SPAG16: variants seen among roughly 807,000 people sequenced by gnomAD.
The protein encoded by SPAG16 is sperm associated antigen 16, also known as sperm-associated antigen 16 protein.
A neutral mutation model predicts 80.4 loss-of-function variants in SPAG16; 86 were observed. The ratio of observed to expected loss-of-function variants is 1.07; its 90% CI spans 0.90 to 1.28. The LOEUF is 1.28. SPAG16 is among the 50% of genes most tolerant of loss of function. The probability of loss-of-function intolerance (pLI) is 0.00; values close to 1 mark genes in which losing one functional copy is unlikely to be tolerated. For missense variants in SPAG16, 870 were observed against 765.3 expected, an observed-to-expected ratio of 1.14 and a Z score of -1.61; for synonymous variants, 294 against 265.9, an observed-to-expected ratio of 1.11 and a Z score of -1.03.
At chr2:214,246,991 T>C (rs958348330) in intron 15 of SPAG16, among the ~76,000 whole-genome samples, 1 of 152,196 alleles carries the variant, frequency 6.6e-6, no homozygotes, top group Non-Finnish European at 1.5e-5. Context: ...TATCATATCA[T>C]GAACTCATTA....
chr2:213,708,761 G>A (rs946170152), intron 10 of SPAG16, among the ~76,000 whole-genome samples: 9 of 152,144 alleles, frequency 5.9e-5, no homozygotes, highest in African/African-American at 1.9e-4. Context: ...ACTCCAGTCT[G>A]GGTGACAAAG....
intron 15 of SPAG16, among the ~76,000 whole-genome samples, chr2:214,209,823 G>C (rs904157170): frequency 2.0e-5 from 3 of 152,028 alleles, no homozygotes; most frequent in African/African-American, 7.2e-5. Flanking sequence ...TTACATAATT[G>C]ATTAATTTGT....
At chr2:214,253,486 T>C (rs1335558181) in intron 15 of SPAG16, among the ~76,000 whole-genome samples, 3 of 152,182 alleles carry the variant, frequency 2.0e-5, no homozygotes, top group African/African-American at 7.2e-5. Flanking sequence ...TTGTATAAGG[T>C]GTAAGAAACG....
intron 9 of SPAG16, among the ~76,000 whole-genome samples, chr2:213,451,164 A>T (rs562035457): frequency 6.6e-6 from 1 of 152,316 alleles, no homozygotes; most frequent in East Asian, 1.9e-4. Flanking sequence ...TTATCTCATT[A>T]TGTATATAAA....
Position 213,843,748 on chromosome 2 carries a change from G to A in SPAG16, c.1071-18737G>A, listed in dbSNP as rs369898199. Among the ~76,000 whole-genome samples the A allele has an allele frequency of 1.6e-4, 24 of 152,234 alleles. No homozygotes were observed. In the East Asian group the frequency reaches 4.6e-3, roughly 29 times the overall value. ...TGTCTGTAGTTCCAGCTACTTGGGA[G>A]GCTGAGGCAGGAGAATCTCTAGAAC... On this transcript the variant is annotated intron_variant, in intron 10 of 15. Coordinates refer to ENST00000331683, the MANE Select transcript of SPAG16 (RefSeq NM_024532.5).
intron 12 of SPAG16, among the ~76,000 whole-genome samples, chr2:214,005,116 C>T (rs553844067): frequency 6.6e-6 from 1 of 152,176 alleles, no homozygotes; most frequent in South Asian, 2.1e-4. Flanking sequence ...AATATTTGGT[C>T]TTCTTTTTGT....
chr2:213,338,430 A>G (rs1481085143), intron 5 of SPAG16, among the ~76,000 whole-genome samples: 1 of 152,240 alleles, frequency 6.6e-6, no homozygotes, highest in African/African-American at 2.4e-5. Flanking sequence ...CAAGCTGGAT[A>G]GAGGCAAGAT....
intron 15 of SPAG16, among the ~76,000 whole-genome samples, chr2:214,222,596 A>T (rs1041817066): frequency 6.6e-6 from 1 of 151,994 alleles, no homozygotes; most frequent in African/African-American, 2.4e-5. Flanking sequence ...TTTTGCTTTA[A>T]TTTTTTTTAC....
chr2:214,378,489 T>C (rs1183077209), intron 15 of SPAG16, among the ~76,000 whole-genome samples: 20 of 152,184 alleles, frequency 1.3e-4, no homozygotes, highest in Non-Finnish European at 2.9e-4. Flanking sequence ...CTGAAACTGG[T>C]TCCCTTATAA....
Position 213,793,181 on chromosome 2 carries a change from G to A in SPAG16, c.1071-69304G>A, listed in dbSNP as rs2070812742. Reference sequence around the variant, plus strand: ...GACCTCAGGTGATCCACCCGCCTCGGCCTCTCAAAGTGCTGGGATTACAGA... The same window carrying A: ...GACCTCAGGTGATCCACCCGCCTCGACCTCTCAAAGTGCTGGGATTACAGA... On this transcript the variant is annotated intron_variant, in intron 10 of 15. Coordinates refer to ENST00000331683, the MANE Select transcript of SPAG16 (RefSeq NM_024532.5). 2.6e-5 allele frequency among the ~76,000 whole-genome samples: 4 copies of A among 151,758 alleles called. No individual in the cohort carries two copies. The South Asian group carries it at 8.3e-4, about 32-fold the overall frequency.
At chr2:214,042,007 T>TATATATATATATATATAC (rs1371293247) in intron 13 of SPAG16, among the ~76,000 whole-genome samples, 2 of 101,224 alleles carry the variant, frequency 2.0e-5, no homozygotes, top group African/African-American at 8.7e-5. Context: ...TATATATATA[T>TATATATATATATATATAC]ACACACACAC....
intron 15 of SPAG16, among the ~76,000 whole-genome samples, chr2:214,285,738 G>T (rs914560199): frequency 6.6e-6 from 1 of 152,060 alleles, no homozygotes; most frequent in South Asian, 2.1e-4. Context: ...GGGAGGCGGA[G>T]GTTGCAGTGA....
At chr2:214,238,041 G>T (rs553467434) in intron 15 of SPAG16, 10 of 258,756 alleles carry the variant, frequency 3.9e-5, no homozygotes, top group African/African-American at 2.0e-4. Context: ...TTATGCTGCA[G>T]AAATTTATTT....
intron 13 of SPAG16, among the ~76,000 whole-genome samples, chr2:214,074,365 T>C (rs2125236827): frequency 6.6e-6 from 1 of 152,304 alleles, no homozygotes; most frequent in Non-Finnish European, 1.5e-5. Context: ...TGACAAGTAA[T>C]AAACTATTGC....
intron 10 of SPAG16, among the ~76,000 whole-genome samples, chr2:213,609,454 C>G (rs569178970): frequency 6.6e-6 from 1 of 152,192 alleles, no homozygotes; most frequent in East Asian, 1.9e-4. Context: ...TCTTCGTGGT[C>G]TTTTAAATTT....
At chr2:213,513,469 T>A (rs1200352930) in intron 10 of SPAG16, among the ~76,000 whole-genome samples, 1 of 152,208 alleles carries the variant, frequency 6.6e-6, no homozygotes, top group Non-Finnish European at 1.5e-5. Flanking sequence ...ATGTTCCTAT[T>A]TCGATAGCTT....
At chr2:213,604,679 T>C (rs929958397) in intron 10 of SPAG16, among the ~76,000 whole-genome samples, 15 of 152,210 alleles carry the variant, frequency 9.9e-5, no homozygotes, top group African/African-American at 3.6e-4. Context: ...TGTAAGCTGT[T>C]TTTTTCTCTT....
intron 10 of SPAG16, among the ~76,000 whole-genome samples, chr2:213,734,650 T>G (rs1488020385): frequency 1.3e-5 from 2 of 152,172 alleles, no homozygotes; most frequent in Admixed American, 1.3e-4. Context: ...AGGGGTTATA[T>G]GCAAATACAC....
chr2:213,324,601 G>T (rs1172240919), intron 5 of SPAG16, among the ~76,000 whole-genome samples: 1 of 151,990 alleles, frequency 6.6e-6, no homozygotes, highest in Non-Finnish European at 1.5e-5. Flanking sequence ...CCTCTTTATT[G>T]CTAAGTAGTA....
Sources: allele counts gnomAD v4.1 joint callset (sites outside exome capture counted in the v4.1 genomes callset), GRCh38; gene constraint gnomAD v4.1.1; transcripts MANE v1.5; gene names NCBI Gene and HGNC (gene_info 2026-07-23, HGNC 2026-07-21).